The following GPD2 variants were observed in gnomAD, a reference collection of about 807,000 sequenced individuals.
GPD2 encodes glycerol-3-phosphate dehydrogenase 2, also known as glycerol-3-phosphate dehydrogenase, mitochondrial.
A neutral mutation model predicts 82.4 loss-of-function variants in GPD2; 54 were observed. The observed-to-expected ratio is 0.66, with a 90% CI of 0.53 to 0.82. GPD2 has a LOEUF of 0.82. Among genes scored for constraint, GPD2 ranks in the 40% least tolerant of loss-of-function variants. The probability of loss-of-function intolerance (pLI) is 0.00; values close to 1 mark genes in which losing one functional copy is unlikely to be tolerated. For synonymous variants in GPD2, 288 were observed against 306.1 expected, an observed-to-expected ratio of 0.94 and a Z score of 0.62; for missense variants, 748 against 896.2, an observed-to-expected ratio of 0.83 and a Z score of 2.11.
intron 9 of GPD2, among the ~76,000 whole-genome samples, chr2:156,559,862 G>A (rs1035484833): frequency 2.0e-5 from 3 of 151,838 alleles, no homozygotes; most frequent in Non-Finnish European, 4.4e-5. Context: ...TTTTAGCTTG[G>A]TACTTTTTTT....
chr2:156,522,934 A>G (rs373229649), intron 6 of GPD2, among the ~76,000 whole-genome samples: 1 of 131,796 alleles, frequency 7.6e-6, no homozygotes, highest in Non-Finnish European at 1.8e-5. Context: ...TAAAGACTTT[A>G]CTTTTTTAGA....
chr2:156,423,545 T>C, the GPD2 span, among the ~76,000 whole-genome samples: 1 of 152,206 alleles, frequency 6.6e-6, no homozygotes, highest in Admixed American at 6.5e-5. Flanking sequence ...AAAACACTGT[T>C]CCACATCTAT....
At chr2:156,553,204 TACCTA>T in intron 8 of GPD2, among the ~76,000 whole-genome samples, 1 of 152,190 alleles carries the variant, frequency 6.6e-6, no homozygotes, top group East Asian at 1.9e-4. Context: ...GTACTGATAA[TACCTA>T]ACTGGTATAA....
chr2:156,502,104 A>ATGTG (rs10539711), intron 3 of GPD2, among the ~76,000 whole-genome samples: 148 of 150,686 alleles, frequency 9.8e-4, no homozygotes, highest in African/African-American at 3.4e-3. Context: ...ATATATATGC[A>ATGTG]TGTGTGTGTG....
rs771535457 is a variant in GPD2 at position 156,557,466 on chromosome 2, C to T, written c.1049C>T (p.Thr350Met). ...VIFFLPWQKM[T>M]IAGTTDTPTD... ...TTCTTCTTACCCTGGCAAAAGATGA[C>T]GATCGCTGGCACTACTGATACTCCA... The change falls in exon 9 of 17, where the codon ACG (threonine) becomes ATG (methionine). Residue 350 changes from threonine (T) to methionine (M), a missense_variant. Transcript: ENST00000438166. 1.6e-5 allele frequency: 26 copies of T among 1,604,988 alleles called. No homozygotes were observed. Among genetic ancestry groups the T allele is most frequent in the East Asian group, 4.5e-5 (2 of 44,818 alleles).
intron 3 of GPD2, among the ~76,000 whole-genome samples, chr2:156,503,520 T>C (rs1684667252): frequency 6.6e-6 from 1 of 152,206 alleles, no homozygotes; most frequent in South Asian, 2.1e-4. Flanking sequence ...GGTCAGAATT[T>C]TATTTATAAC....
upstream of GPD2, among the ~76,000 whole-genome samples, chr2:156,435,987 T>C (rs1422962727): frequency 1.3e-5 from 2 of 151,912 alleles, no homozygotes; most frequent in African/African-American, 4.8e-5. Flanking sequence ...AGGTCTGGAG[T>C]CCGGCATCGC....
chr2:156,447,589 C>T (rs866809459), intron 1 of GPD2, among the ~76,000 whole-genome samples: 12 of 152,306 alleles, frequency 7.9e-5, no homozygotes, highest in Middle Eastern at 3.4e-3. Context: ...CCCTCCTTAG[C>T]CTCCCAAAGT....
At chr2:156,481,123 T>G (rs1683714292) in intron 2 of GPD2, among the ~76,000 whole-genome samples, 1 of 152,074 alleles carries the variant, frequency 6.6e-6, no homozygotes, top group South Asian at 2.1e-4. Flanking sequence ...TTTTCTTTTT[T>G]GAGGTATGTT....
At chr2:156,539,605 T>A (rs1686226106) in intron 6 of GPD2, among the ~76,000 whole-genome samples, 1 of 152,170 alleles carries the variant, frequency 6.6e-6, no homozygotes. Flanking sequence ...CTGCCTCCAG[T>A]TAGAATTCCC....
chr2:156,478,184 G>A (rs1683582676), intron 2 of GPD2, among the ~76,000 whole-genome samples: 1 of 152,024 alleles, frequency 6.6e-6, no homozygotes, highest in Non-Finnish European at 1.5e-5. Context: ...AGTTATAGGT[G>A]GATTTTATTC....
chr2:156,402,983 G>A, the GPD2 span, among the ~76,000 whole-genome samples: 1 of 151,820 alleles, frequency 6.6e-6, no homozygotes, highest in Non-Finnish European at 1.5e-5. Flanking sequence ...GGAACTGAGG[G>A]AGCAGGGCAA....
intron 6 of GPD2, among the ~76,000 whole-genome samples, chr2:156,530,359 G>C (rs558197909): frequency 5.3e-4 from 76 of 142,786 alleles, no homozygotes; most frequent in African/African-American, 1.8e-3. Context: ...CTGGATATAC[G>C]ATCATGTCAT....
intron 1 of GPD2, among the ~76,000 whole-genome samples, chr2:156,457,456 C>T (rs911024776): frequency 5.3e-5 from 8 of 152,178 alleles, no homozygotes; most frequent in African/African-American, 1.9e-4. Flanking sequence ...TAATCTGTGA[C>T]CCAGAAATAG....
At chr2:156,486,680 G>A (rs983525906) in intron 2 of GPD2, among the ~76,000 whole-genome samples, 2 of 152,110 alleles carry the variant, frequency 1.3e-5, no homozygotes, top group Non-Finnish European at 2.9e-5. Flanking sequence ...GAAGTTAGGC[G>A]ATTCCAATTT....
At chr2:156,454,867 G>A (rs1682734213) in intron 1 of GPD2, among the ~76,000 whole-genome samples, 1 of 152,146 alleles carries the variant, frequency 6.6e-6, no homozygotes, top group Non-Finnish European at 1.5e-5. Context: ...GTGAGCAAAA[G>A]CCTTCTTAGT....
rs562928228 is a variant in GPD2, at chr2:156,481,141, CTTTA to C, written c.102+4943_102+4946del. ...TCTTTTTTGAGGTATGTTTCCTTACCTTTATTTATTTACATATTTATTCCTTTAT... is the reference window on the plus strand; with the variant it reads ...TCTTTTTTGAGGTATGTTTCCTTACCTTTATTTACATATTTATTCCTTTAT... On this transcript the variant is annotated intron_variant, in intron 2 of 16. Transcript: ENST00000438166. Among the ~76,000 whole-genome samples, 141 of 151,934 alleles carry C rather than the reference CTTTA, an allele frequency of 9.3e-4. 1 individual carries two copies. In the South Asian group the frequency reaches 0.024, roughly 26 times the overall value.
chr2:156,409,252 G>A, the GPD2 span, among the ~76,000 whole-genome samples: 1 of 152,146 alleles, frequency 6.6e-6, no homozygotes, highest in Admixed American at 6.5e-5. Flanking sequence ...AATGCATTAG[G>A]TTATCAAGAA....
chr2:156,475,955 T>A, intron 1 of GPD2, 143 bp from the exon 2 acceptor site: 1 of 613,048 alleles, frequency 1.6e-6, no homozygotes, highest in South Asian at 1.9e-5. Context: ...AGTATACACA[T>A]TGGTTTGTTA....
Sources: allele counts gnomAD v4.1 joint callset (sites outside exome capture counted in the v4.1 genomes callset), GRCh38; gene constraint gnomAD v4.1.1; transcripts MANE v1.5; gene names NCBI Gene and HGNC (gene_info 2026-07-23, HGNC 2026-07-21).